Variants in TMEM178B observed in about 807,000 individuals in gnomAD.
TMEM178B encodes the protein transmembrane protein 178B.
Under a neutral mutation model 31.0 loss-of-function variants are expected in TMEM178B, and 5 were observed. The ratio of observed to expected loss-of-function variants is 0.16; its 90% CI spans 0.08 to 0.34. TMEM178B has a LOEUF of 0.34. Among genes scored for constraint, TMEM178B ranks in the 10% least tolerant of loss-of-function variants. The pLI, the probability that TMEM178B is intolerant of heterozygous loss-of-function variation, is 1.00. For synonymous variants in TMEM178B, 164 were observed against 164.0 expected (o/e 1.00, Z 0.00); for missense variants, 275 against 400.3 (o/e 0.69, Z 2.67).
At chr7:141,189,236 G>A (rs957491007) in intron 1 of TMEM178B, among the ~76,000 whole-genome samples, 2 of 152,246 alleles carry the variant, frequency 1.3e-5, no homozygotes, top group African/African-American at 4.8e-5. Context: ...CTGTTTCCAA[G>A]AGCAAAGCTC....
At chr7:141,127,638 C>G (rs1364255392) in intron 1 of TMEM178B, among the ~76,000 whole-genome samples, 6 of 152,152 alleles carry the variant, frequency 3.9e-5, no homozygotes, top group African/African-American at 1.4e-4. Context: ...CTGCAGACAC[C>G]TTGATTTGGG....
intron 2 of TMEM178B, among the ~76,000 whole-genome samples, chr7:141,329,390 A>G (rs1799255726): frequency 6.6e-6 from 1 of 152,140 alleles, no homozygotes. Context: ...TGCCATTCTC[A>G]TTATTCTTTC....
At chr7:141,417,410 T>G (rs1371006269) in intron 2 of TMEM178B, among the ~76,000 whole-genome samples, 4 of 152,218 alleles carry the variant, frequency 2.6e-5, no homozygotes, top group Non-Finnish European at 5.9e-5. Flanking sequence ...GAAGGGCTGG[T>G]GTCTTACCCA....
chr7:141,489,680 C>CA, the TMEM178B span, among the ~76,000 whole-genome samples: 1 of 152,136 alleles, frequency 6.6e-6, no homozygotes, highest in African/African-American at 2.4e-5. Context: ...CACAGGCACA[C>CA]ACATTTTCCC....
intron 2 of TMEM178B, among the ~76,000 whole-genome samples, chr7:141,423,397 T>G (rs1460151293): frequency 6.6e-6 from 1 of 152,188 alleles, no homozygotes; most frequent in Non-Finnish European, 1.5e-5. Flanking sequence ...ATATAAACAA[T>G]TACTATTGAG....
intron 1 of TMEM178B, among the ~76,000 whole-genome samples, chr7:141,135,718 G>A (rs990467109): frequency 2.6e-5 from 4 of 152,006 alleles, no homozygotes; most frequent in African/African-American, 9.7e-5. Context: ...CAAACCTATG[G>A]GTTACAGCAA....
At chr7:141,460,521 C>T (rs764431789) in intron 3 of TMEM178B, among the ~76,000 whole-genome samples, 1 of 152,200 alleles carries the variant, frequency 6.6e-6, no homozygotes, top group Admixed American at 6.5e-5. Flanking sequence ...GTTTCCATGG[C>T]CATCCGTAGA....
At chr7:141,237,263 C>T (rs1421018957) in intron 2 of TMEM178B, among the ~76,000 whole-genome samples, 1 of 152,182 alleles carries the variant, frequency 6.6e-6, no homozygotes, top group Non-Finnish European at 1.5e-5. Flanking sequence ...AAGGGTCTTT[C>T]TCCTAAGGGA....
chr7:141,458,043 C>T (rs1801997135), intron 3 of TMEM178B, among the ~76,000 whole-genome samples: 1 of 152,208 alleles, frequency 6.6e-6, no homozygotes, highest in East Asian at 1.9e-4. Context: ...GGAAGAAGGA[C>T]AGTATCTATT....
intron 2 of TMEM178B, among the ~76,000 whole-genome samples, chr7:141,432,638 G>A (rs558798074): frequency 6.6e-6 from 1 of 152,158 alleles, no homozygotes; most frequent in East Asian, 1.9e-4. Context: ...TTTTTTAATA[G>A]TATTCTGTTT....
At chr7:141,285,555 G>A (rs1798435911) in intron 2 of TMEM178B, among the ~76,000 whole-genome samples, 2 of 151,872 alleles carry the variant, frequency 1.3e-5, no homozygotes, top group African/African-American at 4.8e-5. Context: ...TGTAGAAATT[G>A]GATTTCTGTA....
chr7:141,269,824 G>A (rs893379661), intron 2 of TMEM178B, among the ~76,000 whole-genome samples: 2 of 152,158 alleles, frequency 1.3e-5, no homozygotes, highest in African/African-American at 4.8e-5. Context: ...CAGCACTTTG[G>A]GAGGCCAAGG....
rs542651078 is a variant in TMEM178B, at chr7:141,430,555, G to T, written c.497-7053G>T. ...TTGAGTTCCCAGCACCCTGGCTGCG[G>T]AAGAGCCAGGATTTGAATGGGAACA... On this transcript the variant is annotated intron_variant, in intron 2 of 3. Coordinates refer to ENST00000565468, the MANE Select transcript of TMEM178B (RefSeq NM_001195278.2). 4.1e-3 allele frequency among the ~76,000 whole-genome samples: 625 copies of T among 152,266 alleles called. 5 individuals carry two copies. The highest frequency in any genetic ancestry group is 0.014 in the African/African-American group (590 of 41,554).
At chr7:141,198,954 C>A (rs1446959410) in intron 1 of TMEM178B, among the ~76,000 whole-genome samples, 1 of 152,208 alleles carries the variant, frequency 6.6e-6, no homozygotes, top group African/African-American at 2.4e-5. Context: ...ATTTACTACA[C>A]ACCAGATGGT....
intron 2 of TMEM178B, among the ~76,000 whole-genome samples, chr7:141,215,268 T>C (rs1246576723): frequency 6.6e-6 from 1 of 152,026 alleles, no homozygotes; most frequent in East Asian, 1.9e-4. Flanking sequence ...TCCTGCACTC[T>C]TTAAGTGGAA....
intron 1 of TMEM178B, among the ~76,000 whole-genome samples, chr7:141,191,419 T>G (rs1474365775): frequency 2.0e-5 from 3 of 152,230 alleles, no homozygotes; most frequent in Admixed American, 2.0e-4. Flanking sequence ...GAGATCCTGA[T>G]GGATTGCCCT....
chr7:141,444,209 A>G (rs1801711523), intron 3 of TMEM178B, among the ~76,000 whole-genome samples: 2 of 152,038 alleles, frequency 1.3e-5, no homozygotes, highest in Admixed American at 6.6e-5. Context: ...GGATTTGTTC[A>G]CTGTCTCTCT....
intron 2 of TMEM178B, among the ~76,000 whole-genome samples, chr7:141,285,056 T>TA (rs144032381): frequency 0.11 from 14,425 of 136,088 alleles, 1,029 homozygotes; most frequent in African/African-American, 0.2. Context: ...GAAAGCTCTT[T>TA]AAAAAAAAAA....
chr7:141,215,790 CT>C (rs1386650563), intron 2 of TMEM178B, among the ~76,000 whole-genome samples: 1 of 60,644 alleles, frequency 1.6e-5, no homozygotes, highest in Admixed American at 2.1e-4. Context: ...TTCTTTCTTT[CT>C]TTCTTTCTTT....
Sources: gnomAD v4.1 joint callset for allele counts (sites outside exome capture counted in the v4.1 genomes callset) on GRCh38, gnomAD v4.1.1 for gene constraint, MANE v1.5 for transcripts, NCBI Gene and HGNC (gene_info 2026-07-23, HGNC 2026-07-21) for gene names.